Variants in WDR17 observed in about 807,000 individuals in gnomAD.
WDR17 encodes the protein WD repeat-containing protein 17.
A neutral mutation model predicts 161.7 loss-of-function variants in WDR17; 143 were observed. The observed-to-expected ratio is 0.88, with a 90% confidence interval of 0.77 to 1.02. The LOEUF (loss-of-function observed/expected upper bound fraction) is 1.02. Ranked by LOEUF, WDR17 falls within the 50% of genes least tolerant of loss-of-function variation. WDR17 has a pLI of 0.00. For synonymous variants in WDR17, 517 were observed against 515.6 expected (o/e 1.00, Z -0.04); for missense variants, 1,469 against 1,520.9 (o/e 0.97, Z 0.57).
intron 1 of WDR17, among the ~76,000 whole-genome samples, chr4:176,076,686 G>A (rs1037968916): frequency 1.3e-5 from 2 of 151,244 alleles, no homozygotes; most frequent in Non-Finnish European, 2.9e-5. Flanking sequence ...TTATTCTGCT[G>A]TTGTCTTTTG....
intron 1 of WDR17, among the ~76,000 whole-genome samples, chr4:176,107,161 G>A (rs754259097): frequency 6.6e-5 from 10 of 151,820 alleles, no homozygotes; most frequent in Middle Eastern, 3.2e-3. Context: ...AAGAAGTTAC[G>A]GAAATGGCTG....
At chr4:176,116,730 A>T (rs1740703156) in intron 3 of WDR17, among the ~76,000 whole-genome samples, 1 of 151,896 alleles carries the variant, frequency 6.6e-6, no homozygotes, top group East Asian at 1.9e-4. Context: ...TATTTTGTTC[A>T]AATTTCTTTG....
At chr4:176,141,208 T>A (rs530450861) in intron 10 of WDR17, among the ~76,000 whole-genome samples, 2 of 152,240 alleles carry the variant, frequency 1.3e-5, no homozygotes, top group Non-Finnish European at 2.9e-5. Context: ...GGATGGGGGA[T>A]CATCTCTGAA....
At chr4:176,108,806 A>G (rs1006565058) in intron 1 of WDR17, among the ~76,000 whole-genome samples, 2 of 152,108 alleles carry the variant, frequency 1.3e-5, no homozygotes, top group Non-Finnish European at 2.9e-5. Context: ...TTGTTTATTT[A>G]TTTATTTGAG....
chr4:176,145,478 C>A (rs1387039053), intron 11 of WDR17, among the ~76,000 whole-genome samples: 1 of 152,182 alleles, frequency 6.6e-6, no homozygotes, highest in Non-Finnish European at 1.5e-5. Context: ...AATCAGACAA[C>A]CCTGGTCTGC....
Position 176,128,651 on chromosome 4 carries a change from A to G in WDR17, c.791-87A>G, listed in dbSNP as rs576778738. The stretch of plus-strand genomic sequence containing the variant: ...CAGTAATTAGTCCTAAAATATTTCC[A>G]GTTGAAATTTTGTTATACTTTTATG... On this transcript the variant is annotated intron_variant, in intron 5 of 28. Transcript: ENST00000508596. The G allele has an allele frequency of 2.3e-4, 306 of 1,349,632 alleles. No individual in the cohort carries two copies. The African/African-American group carries it at 4.2e-3, about 18-fold the overall frequency. The allele number at this position is 1,349,632 out of a possible 1,614,324, so 83.6% of individuals were successfully genotyped here. A position where few individuals can be genotyped will look rare whatever the true frequency, so the allele number is the denominator to read the frequency against.
At chr4:176,171,462 A>G (rs919599375) in intron 23 of WDR17, among the ~76,000 whole-genome samples, 1 of 152,170 alleles carries the variant, frequency 6.6e-6, no homozygotes, top group Non-Finnish European at 1.5e-5. Flanking sequence ...AACGTTATAT[A>G]TATGAGAGCC....
intron 17 of WDR17, among the ~76,000 whole-genome samples, chr4:176,153,281 A>G (rs1204437737): frequency 6.6e-6 from 1 of 152,224 alleles, no homozygotes; most frequent in Non-Finnish European, 1.5e-5. Context: ...ACTTGTCATA[A>G]CTAAATCCCA....
In WDR17 at chr4:176,177,561, G is replaced by A. The variant is rs1437530388; in HGVS notation, c.3639G>A (p.Leu1213=). Residue 1213 remains leucine (L), a synonymous_variant, in exon 28 of 29, where the codon CTG becomes CTA. Coordinates refer to ENST00000508596, the MANE Select transcript of WDR17 (RefSeq NM_181265.4). ...TAAAGAGACTAAAAGAAGAGTCACT[G>A]AAAGGAATTATTGGACCAGATTATG... ...TLLKRLKEES[L]KGIIGPDYVT... 10 of 1,598,386 alleles carry A rather than the reference G, an allele frequency of 6.3e-6. No homozygotes were observed. Among genetic ancestry groups the A allele is most frequent in the South Asian group, 2.3e-5 (2 of 88,196 alleles).
intron 5 of WDR17, among the ~76,000 whole-genome samples, chr4:176,126,302 T>C (rs1742436368): frequency 6.6e-6 from 1 of 152,106 alleles, no homozygotes; most frequent in South Asian, 2.1e-4. Flanking sequence ...TGAGGAATAA[T>C]TAGAAACTAA....
chr4:176,157,545 A>G (rs1226776553), intron 18 of WDR17, among the ~76,000 whole-genome samples: 2 of 152,096 alleles, frequency 1.3e-5, no homozygotes, highest in African/African-American at 4.8e-5. Flanking sequence ...CCCTCACAGC[A>G]CAATTGTGAA....
At chr4:176,107,107 C>A (rs1052926129) in intron 1 of WDR17, among the ~76,000 whole-genome samples, 2 of 151,992 alleles carry the variant, frequency 1.3e-5, no homozygotes, top group African/African-American at 4.8e-5. Context: ...ACGTGATTTA[C>A]CTGATTGAAA....
rs149684819 is a variant in WDR17, at chr4:176,080,422, G to A, written c.-7+14343G>A. 1.4e-4 allele frequency among the ~76,000 whole-genome samples: 21 copies of A among 151,794 alleles called. No homozygotes were observed. In the East Asian group the frequency reaches 3.7e-3, roughly 27 times the overall value. ...TCTAAAGTTTGAAGTTCAGGGAGATGATGAGGAATCAAAACAAAAAGATTT... is the reference window on the plus strand; with the variant it reads ...TCTAAAGTTTGAAGTTCAGGGAGATAATGAGGAATCAAAACAAAAAGATTT... On this transcript the variant is annotated intron_variant, in intron 1 of 28. Transcript: ENST00000508596.
chr4:176,125,487 A>T (rs767515882), intron 5 of WDR17, 132 bp downstream of exon 5: 1 of 1,105,564 alleles, frequency 9.0e-7, no homozygotes, highest in Non-Finnish European at 1.3e-6. Flanking sequence ...ATTGTAGTAA[A>T]TTACTAGTGT....
chr4:176,118,277 G>T (rs1740958788), intron 3 of WDR17, among the ~76,000 whole-genome samples: 1 of 152,004 alleles, frequency 6.6e-6, no homozygotes, highest in South Asian at 2.1e-4. Context: ...CGCTTTCCTT[G>T]CTGTCTTTCT....
intron 1 of WDR17, among the ~76,000 whole-genome samples, chr4:176,089,107 G>A (rs1735782259): frequency 6.6e-6 from 1 of 152,080 alleles, no homozygotes; most frequent in African/African-American, 2.4e-5. Context: ...CACTGCTGTG[G>A]ATTTTTAGTA....
chr4:176,122,275 G>A (rs922319773), intron 4 of WDR17, among the ~76,000 whole-genome samples: 1 of 152,108 alleles, frequency 6.6e-6, no homozygotes, highest in African/African-American at 2.4e-5. Context: ...TAGTCATATT[G>A]GATTAAGCTC....
chr4:176,173,305 T>G lies in WDR17; in HGVS notation c.3283T>G (p.Tyr1095Asp). The part of the protein sequence containing the change: ...SSSDWTLDTI[Y>D]PVLDLLSYIR... ...CTCAGACTGGACTTTGGATACCATA[T>G]ACCCTGTTCTTGACCTACTGAGCTA... The change falls in exon 25 of 29, where the codon TAC (tyrosine) becomes GAC (aspartate). Residue 1095 changes from tyrosine to aspartate, a missense_variant. By Grantham distance (160) the Tyr-to-Asp change is radical. Coordinates refer to ENST00000508596, the MANE Select transcript of WDR17 (RefSeq NM_181265.4). 6.2e-7 allele frequency: 1 copy of G among 1,613,388 alleles called. No homozygotes were observed. The highest frequency in any genetic ancestry group is 8.5e-7 in the Non-Finnish European group (1 of 1,179,730).
At chr4:176,143,175 G>A (rs920486220) in intron 11 of WDR17, among the ~76,000 whole-genome samples, 6 of 152,154 alleles carry the variant, frequency 3.9e-5, no homozygotes, top group African/African-American at 1.2e-4. Context: ...CACCACGCCC[G>A]GCCTTACACG....
Sources: allele counts gnomAD v4.1 joint callset (sites outside exome capture counted in the v4.1 genomes callset), GRCh38; gene constraint gnomAD v4.1.1; transcripts MANE v1.5; gene names NCBI Gene and HGNC (gene_info 2026-07-23, HGNC 2026-07-21).